CNBD1: variants seen among roughly 807,000 people sequenced by gnomAD.
The protein encoded by CNBD1 is cyclic nucleotide-binding domain-containing protein 1.
In CNBD1, 71 loss-of-function variants were observed where a neutral mutation model predicts 54.4. The observed-to-expected ratio is 1.30, with a 90% CI of 1.08 to 1.59. The LOEUF (loss-of-function observed/expected upper bound fraction) is 1.59, where lower values mean the gene tolerates loss of function less well. Among genes scored for constraint, CNBD1 ranks in the 40% most tolerant of loss-of-function variants. The pLI is 0.00. For synonymous variants in CNBD1, 182 were observed against 170.7 expected, an observed-to-expected ratio of 1.07 and a Z score of -0.51; for missense variants, 659 against 518.0, an observed-to-expected ratio of 1.27 and a Z score of -2.64.
chr8:87,403,518 A>G (rs144014139), intron 2 of CNBD1, among the ~76,000 whole-genome samples: 2 of 152,156 alleles, frequency 1.3e-5, no homozygotes, highest in African/African-American at 4.8e-5. Flanking sequence ...AAGACAGTTT[A>G]TGAAGCAGAT....
chr8:87,048,788 C>T (rs2130620696), intron 4 of CNBD1, among the ~76,000 whole-genome samples: 1 of 152,282 alleles, frequency 6.6e-6, no homozygotes, highest in South Asian at 2.1e-4. Flanking sequence ...AACTTCCTAT[C>T]CTTTGAATTT....
At chr8:86,961,051 A>G (rs1008553621) in intron 4 of CNBD1, among the ~76,000 whole-genome samples, 1 of 152,176 alleles carries the variant, frequency 6.6e-6, no homozygotes, top group Non-Finnish European at 1.5e-5. Context: ...TTTTGAAGAC[A>G]TTTCTACTTT....
intron 6 of CNBD1, among the ~76,000 whole-genome samples, chr8:87,266,401 T>G (rs1459597018): frequency 2.1e-5 from 3 of 139,908 alleles, no homozygotes; most frequent in Non-Finnish European, 4.6e-5. Flanking sequence ...ATGTAAGCAA[T>G]TCCAAAAATG....
intron 4 of CNBD1, among the ~76,000 whole-genome samples, chr8:87,015,856 C>T (rs1809343883): frequency 6.6e-6 from 1 of 151,454 alleles, no homozygotes; most frequent in East Asian, 2.0e-4. Context: ...TGGTGGGTAC[C>T]TGTAATCTCA....
At chr8:87,285,529 G>A (rs939400089) in intron 7 of CNBD1, among the ~76,000 whole-genome samples, 7 of 152,024 alleles carry the variant, frequency 4.6e-5, no homozygotes, top group African/African-American at 1.4e-4. Context: ...CCTGAGGTGG[G>A]GAGTTCGAGC....
At position 86,966,401 on chromosome 8, in the gene CNBD1, T is replaced by C. The variant is rs147231599; in HGVS notation, c.431+26647T>C. On this transcript the variant is annotated intron_variant, in intron 4 of 10. Transcript: ENST00000518476. ...ACTTCAAGAATGAAGCCGTGGACCC[T>C]TGTGGTGAGTGTTACAGTTCTTAAA... Among the ~76,000 whole-genome samples, 546 of 152,312 alleles carry C rather than the reference T, an allele frequency of 3.6e-3. 9 individuals carry two copies. Among genetic ancestry groups the C allele is most frequent in the Admixed American group, 0.025 (383 of 15,304 alleles).
At chr8:87,249,949 G>A (rs546390959) in intron 6 of CNBD1, among the ~76,000 whole-genome samples, 103 of 152,174 alleles carry the variant, frequency 6.8e-4, no homozygotes, top group African/African-American at 2.3e-3. Flanking sequence ...AAAAGCACAG[G>A]CAACCAAAGC....
chr8:87,093,600 C>T (rs1049388115), intron 4 of CNBD1, among the ~76,000 whole-genome samples: 3 of 152,056 alleles, frequency 2.0e-5, no homozygotes, highest in Non-Finnish European at 2.9e-5. Flanking sequence ...ACAGTAACGC[C>T]GAGATTGCTG....
At chr8:87,010,207 CT>C (rs965605959) in intron 4 of CNBD1, among the ~76,000 whole-genome samples, 12 of 152,058 alleles carry the variant, frequency 7.9e-5, no homozygotes, top group Admixed American at 2.0e-4. Context: ...TTCTTCCTAC[CT>C]TTTTCCCCCC....
intron 2 of CNBD1, among the ~76,000 whole-genome samples, chr8:87,389,975 C>G (rs1289264396): frequency 1.3e-4 from 19 of 150,912 alleles, no homozygotes; most frequent in Non-Finnish European, 1.0e-4. Flanking sequence ...TTTGACAAAC[C>G]TGAGAAAAAC....
At chr8:87,396,254 G>C (rs899456396) in intron 2 of CNBD1, among the ~76,000 whole-genome samples, 1 of 151,874 alleles carries the variant, frequency 6.6e-6, no homozygotes, top group Non-Finnish European at 1.5e-5. Context: ...GTTCTTTGCA[G>C]GTGTTTGTCT....
intron 2 of CNBD1, among the ~76,000 whole-genome samples, chr8:87,424,622 G>T (rs925698752): frequency 2.0e-5 from 3 of 152,162 alleles, no homozygotes; most frequent in Non-Finnish European, 4.4e-5. Context: ...TAGTTTGATT[G>T]CACTGTGGTC....
At chr8:87,262,652 G>A (rs1489397751) in intron 6 of CNBD1, among the ~76,000 whole-genome samples, 5 of 152,110 alleles carry the variant, frequency 3.3e-5, no homozygotes, top group Admixed American at 6.6e-5. Flanking sequence ...TAATATGCCT[G>A]CTTTGAAGAA....
At chr8:86,988,698 T>A (rs1401692926) in intron 4 of CNBD1, among the ~76,000 whole-genome samples, 2 of 152,124 alleles carry the variant, frequency 1.3e-5, no homozygotes, top group Admixed American at 1.3e-4. Context: ...CCTATGATAT[T>A]CATTATTCTC....
At chr8:87,177,101 G>T (rs1042333131) in intron 4 of CNBD1, among the ~76,000 whole-genome samples, 2 of 152,042 alleles carry the variant, frequency 1.3e-5, no homozygotes, top group Non-Finnish European at 2.9e-5. Flanking sequence ...GGTTAAATGA[G>T]GCAATGTAAG....
intron 4 of CNBD1, among the ~76,000 whole-genome samples, chr8:86,993,198 G>C (rs1808791929): frequency 6.6e-6 from 1 of 151,606 alleles, no homozygotes; most frequent in South Asian, 2.1e-4. Flanking sequence ...CTGACTTGAA[G>C]AACCAGTCTT....
chr8:87,023,439 G>A (rs190561475), intron 4 of CNBD1, among the ~76,000 whole-genome samples: 5 of 152,126 alleles, frequency 3.3e-5, no homozygotes, highest in African/African-American at 1.2e-4. Flanking sequence ...TCTGAAAAAT[G>A]TATCACATCC....
chr8:87,183,118 G>A (rs1813391775), intron 4 of CNBD1, among the ~76,000 whole-genome samples: 1 of 152,078 alleles, frequency 6.6e-6, no homozygotes, highest in African/African-American at 2.4e-5. Flanking sequence ...TAACTTACAT[G>A]GCTAGACAGT....
intron 4 of CNBD1, among the ~76,000 whole-genome samples, chr8:87,010,778 T>C (rs929063880): frequency 1.3e-4 from 20 of 152,158 alleles, no homozygotes; most frequent in African/African-American, 4.8e-4. Context: ...CATTCTGTGA[T>C]AAAATTCTCC....
Sources: allele counts gnomAD v4.1 joint callset (sites outside exome capture counted in the v4.1 genomes callset), GRCh38; gene constraint gnomAD v4.1.1; transcripts MANE v1.5; gene names NCBI Gene and HGNC (gene_info 2026-07-23, HGNC 2026-07-21).